Variants in DNAH12 observed in about 807,000 individuals in gnomAD.
The protein encoded by DNAH12 is axonemal beta dynein heavy chain 12.
A neutral mutation model predicts 371.5 loss-of-function variants in DNAH12; 285 were observed. That is an observed-to-expected ratio of 0.77 (90% CI 0.70 to 0.85). DNAH12 has a LOEUF of 0.85. Among genes scored for constraint, DNAH12 ranks in the 40% least tolerant of loss-of-function variants. DNAH12 has a pLI of 0.00. For missense variants in DNAH12, 3,611 were observed against 3,689.4 expected, an observed-to-expected ratio of 0.98 and a Z score of 0.55; for synonymous variants, 1,200 against 1,213.0, an observed-to-expected ratio of 0.99 and a Z score of 0.22.
Position 57,318,752 on chromosome 3 carries a change from G to A in DNAH12, c.10524+3591C>T, listed in dbSNP as rs181815915. On this transcript the variant is annotated intron_variant, in intron 65 of 73. Coordinates refer to ENST00000495027, the MANE Select transcript of DNAH12 (RefSeq NM_001366028.2). ...ATTCCAGATAAGGAATACTTAACCT[G>A]TACCATATTGTTTTAATCACTGTAG... 7.0e-4 allele frequency among the ~76,000 whole-genome samples: 106 copies of A among 151,444 alleles called. 1 individual carries two copies. Among genetic ancestry groups the A allele is most frequent in the African/African-American group, 2.4e-3 (100 of 41,328 alleles).
At chr3:57,373,534 C>CA (rs1210613736) in intron 55 of DNAH12, among the ~76,000 whole-genome samples, 2 of 151,288 alleles carry the variant, frequency 1.3e-5, no homozygotes, top group Admixed American at 6.6e-5. Flanking sequence ...CCATATTGAC[C>CA]AGGCTGGTCT....
intron 29 of DNAH12, among the ~76,000 whole-genome samples, chr3:57,438,918 C>CAAAAAAGAA (rs2065218367): frequency 1.1e-5 from 1 of 94,496 alleles, no homozygotes; most frequent in African/African-American, 4.0e-5. Context: ...CTGTCTCAGA[C>CAAAAAAGAA]AAAAAAAAAA....
chr3:57,466,068 TCACA>T (rs10616496), intron 17 of DNAH12, among the ~76,000 whole-genome samples: 95,005 of 149,580 alleles, frequency 0.64, 30,566 homozygotes, highest in South Asian at 0.75. Flanking sequence ...CACATGCAAT[TCACA>T]CACACACACA....
intron 70 of DNAH12, among the ~76,000 whole-genome samples, chr3:57,301,248 A>G (rs982195677): frequency 2.2e-4 from 27 of 125,096 alleles, no homozygotes; most frequent in Admixed American, 1.0e-4. Flanking sequence ...CCTGGATGAC[A>G]GAGCAAGACC....
chr3:57,371,727 G>T (rs2063174813), intron 55 of DNAH12, among the ~76,000 whole-genome samples: 1 of 150,376 alleles, frequency 6.6e-6, no homozygotes. Flanking sequence ...ACATCAAACT[G>T]CTGAAAACTA....
At chr3:57,457,478 C>T (rs1328870490) in intron 22 of DNAH12, among the ~76,000 whole-genome samples, 2 of 152,242 alleles carry the variant, frequency 1.3e-5, no homozygotes, top group East Asian at 1.9e-4. Flanking sequence ...GGACCTTCCC[C>T]CATTCTAAAT....
At chr3:57,548,660 T>G (rs1221870122), upstream of DNAH12, among the ~76,000 whole-genome samples, 1 of 151,968 alleles carries the variant, frequency 6.6e-6, no homozygotes, top group East Asian at 1.9e-4. Context: ...AAGCCATTAC[T>G]GCACCACTGC....
At chr3:57,397,102 C>G (rs1348369489) in intron 43 of DNAH12, among the ~76,000 whole-genome samples, 2 of 152,144 alleles carry the variant, frequency 1.3e-5, no homozygotes, top group South Asian at 4.1e-4. Context: ...CCACAATAAT[C>G]TTTGAAATAG....
At chr3:57,491,795 T>A (rs1434375880) in intron 11 of DNAH12, among the ~76,000 whole-genome samples, 14 of 151,918 alleles carry the variant, frequency 9.2e-5, no homozygotes, top group East Asian at 5.8e-4. Context: ...ATAATTTTTT[T>A]AAAATTAGCC....
At chr3:57,382,768 T>C (rs1048433172) in intron 49 of DNAH12, among the ~76,000 whole-genome samples, 1 of 152,170 alleles carries the variant, frequency 6.6e-6, no homozygotes, top group Non-Finnish European at 1.5e-5. Context: ...CTTATATATA[T>C]TAGTTCTATT....
At chr3:57,295,692 T>A in intron 72 of DNAH12, 100 bp from the exon 73 acceptor site, 1 of 912,890 alleles carries the variant, frequency 1.1e-6, no homozygotes, top group Non-Finnish European at 1.6e-6. Context: ...AAGAAAGGAC[T>A]AGAGGCATAG....
chr3:57,469,661 T>A (rs2066312471), intron 16 of DNAH12, among the ~76,000 whole-genome samples: 2 of 152,186 alleles, frequency 1.3e-5, no homozygotes, highest in South Asian at 2.1e-4. Context: ...TAAAAAAGGA[T>A]GAAATCATGC....
Position 57,296,832 on chromosome 3 carries a change from A to T in DNAH12, c.11532+15T>A. On this transcript the variant is annotated intron_variant, in intron 71 of 73. Transcript: ENST00000495027. ...AATGTAATGATATACTGTTGACTTTAAGGAGTTACTATACCTCAAATTCAT... is the reference window on the plus strand; with the variant it reads ...AATGTAATGATATACTGTTGACTTTTAGGAGTTACTATACCTCAAATTCAT... The T allele has an allele frequency of 6.4e-7, 1 of 1,550,942 alleles. No individual in the cohort carries two copies.
intron 12 of DNAH12, among the ~76,000 whole-genome samples, chr3:57,483,893 G>A (rs888076588): frequency 2.0e-5 from 3 of 147,368 alleles, no homozygotes; most frequent in Admixed American, 7.0e-5. Flanking sequence ...TTGAGCTACA[G>A]TGGGCCATGA....
intron 55 of DNAH12, among the ~76,000 whole-genome samples, chr3:57,371,684 C>T (rs1017903306): frequency 2.6e-5 from 4 of 150,964 alleles, no homozygotes; most frequent in African/African-American, 9.7e-5. Flanking sequence ...CACACACACA[C>T]ACACACAAAC....
intron 7 of DNAH12, 29 bp from the exon 8 acceptor site, chr3:57,507,867 G>A (rs750449735): frequency 2.0e-6 from 3 of 1,535,526 alleles, no homozygotes; most frequent in Non-Finnish European, 2.6e-6. Flanking sequence ...AATGTGATTT[G>A]AAGCAAATGA....
chr3:57,432,811 G>A (rs2064996542), intron 32 of DNAH12, among the ~76,000 whole-genome samples: 1 of 152,094 alleles, frequency 6.6e-6, no homozygotes, highest in South Asian at 2.1e-4. Context: ...AATTTCATGT[G>A]TCATTTTTTA....
At position 57,309,191 on chromosome 3, in the gene DNAH12, T is replaced by C; in HGVS notation, c.11149A>G (p.Met3717Val). ...ATTTCTTGTACTAACACAGTATTCA[T>C]GCTTTCTTCATATCTCACAGGATAC... Reference protein sequence around the residue: ...RKYPVRYEESMNTVLVQEMER... With the variant: ...RKYPVRYEESVNTVLVQEMER... Residue 3717 changes from methionine (M) to valine (V), a missense_variant, in exon 69 of 74, where the codon ATG (methionine) becomes GTG (valine). Met to Val is a conservative substitution (Grantham distance 21). Transcript: ENST00000495027. The C allele has an allele frequency of 6.5e-7, 1 of 1,550,328 alleles. No homozygotes were observed. The highest frequency in any genetic ancestry group is 8.7e-7 in the Non-Finnish European group (1 of 1,146,706).
At chr3:57,383,255 A>T (rs2063432912) in intron 49 of DNAH12, among the ~76,000 whole-genome samples, 1 of 152,192 alleles carries the variant, frequency 6.6e-6, no homozygotes, top group Non-Finnish European at 1.5e-5. Flanking sequence ...TTGTCTACTT[A>T]TACTAAAATC....
Sources: gnomAD v4.1 joint callset for allele counts (sites outside exome capture counted in the v4.1 genomes callset) on GRCh38, gnomAD v4.1.1 for gene constraint, MANE v1.5 for transcripts, NCBI Gene and HGNC (gene_info 2026-07-23, HGNC 2026-07-21) for gene names.